Variants in CREM observed in about 807,000 individuals in gnomAD.
The protein encoded by CREM is cAMP-responsive element modulator.
In CREM, 13 loss-of-function variants were observed where a neutral mutation model predicts 37.3. The observed-to-expected ratio is 0.35, with a 90% CI of 0.23 to 0.55. The LOEUF is 0.55. Among genes scored for constraint, CREM ranks in the 20% least tolerant of loss-of-function variants. The pLI, the probability that CREM is intolerant of heterozygous loss-of-function variation, is 0.88. For synonymous variants in CREM, 124 were observed against 120.2 expected (o/e 1.03, Z -0.21); for missense variants, 296 against 362.3 (o/e 0.82, Z 1.49).
At chr10:35,143,588 C>T (rs2091719818) in intron 2 of CREM, among the ~76,000 whole-genome samples, 1 of 152,114 alleles carries the variant, frequency 6.6e-6, no homozygotes, top group African/African-American at 2.4e-5. Context: ...AGGGATAGGT[C>T]TTCTTTTGAG....
intron 3 of CREM, 116 bp from the exon 4 acceptor site, chr10:35,178,773 G>C: frequency 1.4e-6 from 1 of 708,666 alleles, no homozygotes. Flanking sequence ...CTATTGCTCA[G>C]TTGCTTCCAC....
At chr10:35,166,366 A>G (rs1342867368) in intron 3 of CREM, among the ~76,000 whole-genome samples, 1 of 151,934 alleles carries the variant, frequency 6.6e-6, no homozygotes, top group Admixed American at 6.6e-5. Flanking sequence ...AGTCGAGATC[A>G]GCCTGACAAC....
chr10:35,206,013 C>T (rs2095510493), intron 6 of CREM, among the ~76,000 whole-genome samples: 1 of 151,340 alleles, frequency 6.6e-6, no homozygotes, highest in Non-Finnish European at 1.5e-5. Context: ...CTTTGGGAGG[C>T]CAAGGTGGGA....
chr10:35,129,336 T>C (rs1564773897), intron 1 of CREM, among the ~76,000 whole-genome samples: 1 of 152,242 alleles, frequency 6.6e-6, no homozygotes, highest in African/African-American at 2.4e-5. Flanking sequence ...TTTTAAACTC[T>C]GGAATCCATA....
At chr10:35,182,259 G>A (rs540356703) in intron 5 of CREM, among the ~76,000 whole-genome samples, 5 of 152,120 alleles carry the variant, frequency 3.3e-5, no homozygotes, top group Admixed American at 1.3e-4. Context: ...ATGCTTTAAT[G>A]TTGTAGCAGA....
At chr10:35,146,304 GGTTT>G (rs149768917) in intron 2 of CREM, among the ~76,000 whole-genome samples, 3,779 of 152,252 alleles carry the variant, frequency 0.025, 156 homozygotes, top group African/African-American at 0.086. Context: ...GTGGGAAAAG[GGTTT>G]GTTTGGTAGT....
chr10:35,189,875 G>T (rs1394313693), intron 6 of CREM, among the ~76,000 whole-genome samples: 3 of 152,170 alleles, frequency 2.0e-5, no homozygotes, highest in Non-Finnish European at 4.4e-5. Context: ...TATAATTGAT[G>T]AGTCTCTTGA....
At chr10:35,201,594 A>G in intron 6 of CREM, 2 of 1,394,260 alleles carry the variant, frequency 1.4e-6, no homozygotes, top group Non-Finnish European at 2.0e-6. Flanking sequence ...ACCAAAATTG[A>G]GAGTTCTAGG....
At chr10:35,153,920 G>T (rs7916992) in intron 3 of CREM, 5,040 of 389,566 alleles carry the variant, frequency 0.013, 192 homozygotes, top group African/African-American at 0.087. Flanking sequence ...AGAGAAAGCC[G>T]CTAGGGAATG....
Position 35,179,383 on chromosome 10 carries a change from T to A in CREM, c.409+107T>A. 4 of 1,245,704 alleles carry A rather than the reference T, an allele frequency of 3.2e-6. No individual in the cohort carries two copies. In the South Asian group the frequency reaches 6.7e-5, roughly 21 times the overall value. 77.2% of individuals were successfully genotyped at this position (1,245,704 alleles called of 1,614,324 possible). On this transcript the variant is annotated intron_variant, in intron 5 of 7. Transcript: ENST00000685392. ...TTAAATTGTTCCATTTTAAAATGCA[T>A]CATTAATACCTAAACTGTATCATAG...
intron 3 of CREM, among the ~76,000 whole-genome samples, chr10:35,168,735 A>T (rs1055716803): frequency 6.6e-6 from 1 of 152,208 alleles, no homozygotes; most frequent in African/African-American, 2.4e-5. Context: ...TTTTAGGTCT[A>T]ACATTTAAGT....
chr10:35,144,501 G>A (rs561517588), intron 2 of CREM, among the ~76,000 whole-genome samples: 2 of 152,196 alleles, frequency 1.3e-5, no homozygotes, highest in East Asian at 3.9e-4. Context: ...TCTGCATATA[G>A]GATTGAAGAA....
intron 6 of CREM, chr10:35,201,395 T>C: frequency 6.5e-7 from 1 of 1,546,822 alleles, no homozygotes; most frequent in Admixed American, 2.0e-5. Context: ...CACTTTGACA[T>C]ACATTGTAGG....
At chr10:35,162,425 C>T (rs1291185690) in intron 3 of CREM, among the ~76,000 whole-genome samples, 4 of 152,166 alleles carry the variant, frequency 2.6e-5, no homozygotes, top group South Asian at 4.1e-4. Flanking sequence ...ATAATGTTCT[C>T]ACCACAAAAA....
chr10:35,187,146 A>T (rs868593094), intron 5 of CREM, among the ~76,000 whole-genome samples: 2 of 64,014 alleles, frequency 3.1e-5, no homozygotes, highest in African/African-American at 1.3e-4. Flanking sequence ...ATTAATATAT[A>T]ATATATATAA....
chr10:35,162,301 C>T (rs1034270980), intron 3 of CREM, among the ~76,000 whole-genome samples: 10 of 151,908 alleles, frequency 6.6e-5, no homozygotes, highest in Non-Finnish European at 1.3e-4. Flanking sequence ...AATGTTGGTC[C>T]AAGAATATAT....
chr10:35,172,820 C>T (rs573599541), intron 3 of CREM, among the ~76,000 whole-genome samples: 45 of 152,224 alleles, frequency 3.0e-4, no homozygotes, highest in African/African-American at 1.0e-3. Flanking sequence ...TCATTTTCTT[C>T]AAAAGAATGA....
At chr10:35,203,772 C>T (rs2095446969) in intron 6 of CREM, among the ~76,000 whole-genome samples, 1 of 151,634 alleles carries the variant, frequency 6.6e-6, no homozygotes. Flanking sequence ...ATCATGGAAC[C>T]ATCCTGCTCT....
At chr10:35,128,098 A>G (rs561976297) in intron 1 of CREM, among the ~76,000 whole-genome samples, 2 of 152,294 alleles carry the variant, frequency 1.3e-5, no homozygotes, top group South Asian at 4.1e-4. Flanking sequence ...TCGGCCTCCC[A>G]AAGTGCTGGG....
Sources: gnomAD v4.1 joint callset for allele counts (sites outside exome capture counted in the v4.1 genomes callset) on GRCh38, gnomAD v4.1.1 for gene constraint, MANE v1.5 for transcripts, NCBI Gene and HGNC (gene_info 2026-07-23, HGNC 2026-07-21) for gene names.